The following DLG2 variants were observed in gnomAD, a reference collection of about 807,000 sequenced individuals.
DLG2 encodes the protein disks large homolog 2.
A neutral mutation model predicts 132.5 loss-of-function variants in DLG2; 45 were observed. The observed-to-expected ratio is 0.34, with a 90% CI of 0.27 to 0.44. The LOEUF (loss-of-function observed/expected upper bound fraction) is 0.44, where lower values mean the gene tolerates loss of function less well. Among genes scored for constraint, DLG2 ranks in the 20% least tolerant of loss-of-function variants. The pLI is 1.00. For synonymous variants in DLG2, 424 were observed against 419.6 expected (o/e 1.01, Z -0.13); for missense variants, 1,045 against 1,196.9 (o/e 0.87, Z 1.87).
chr11:84,446,210 A>T (rs505025), intron 7 of DLG2, among the ~76,000 whole-genome samples: 55,562 of 151,774 alleles, frequency 0.37, 15,922 homozygotes, highest in African/African-American at 0.8. Flanking sequence ...TGTTTATACC[A>T]TTTTTATTTT....
At chr11:84,636,269 C>T (rs2099640305) in intron 6 of DLG2, among the ~76,000 whole-genome samples, 1 of 152,116 alleles carries the variant, frequency 6.6e-6, no homozygotes, top group Non-Finnish European at 1.5e-5. Context: ...CGAGAAATAG[C>T]CACAGTCCTC....
intron 3 of DLG2, among the ~76,000 whole-genome samples, chr11:85,538,389 G>C (rs186945120): frequency 6.6e-6 from 1 of 152,032 alleles, no homozygotes; most frequent in Non-Finnish European, 1.5e-5. Flanking sequence ...TACACTGTTG[G>C]TGGGAATGTA....
At chr11:84,969,264 A>T (rs2053740584) in intron 6 of DLG2, among the ~76,000 whole-genome samples, 1 of 152,150 alleles carries the variant, frequency 6.6e-6, no homozygotes, top group Non-Finnish European at 1.5e-5. Context: ...TGCAGTATCT[A>T]AAGTGACCAT....
chr11:85,147,145 T>C (rs1050701381), intron 5 of DLG2, among the ~76,000 whole-genome samples: 42 of 152,226 alleles, frequency 2.8e-4, no homozygotes, highest in African/African-American at 9.4e-4. Context: ...TTAGTGTCTC[T>C]TTCCTTGATA....
intron 6 of DLG2, chr11:84,640,189 T>G (rs576925798): frequency 1.5e-5 from 4 of 268,018 alleles, no homozygotes; most frequent in African/African-American, 9.3e-5. Flanking sequence ...AAGACCTGGC[T>G]ACTGTCTGTA....
At chr11:84,130,554 T>A in intron 9 of DLG2, among the ~76,000 whole-genome samples, 1 of 139,266 alleles carries the variant, frequency 7.2e-6, no homozygotes, top group African/African-American at 2.8e-5. Context: ...ATATATAAAG[T>A]ATATATAAGT....
At chr11:83,634,335 G>A (rs1162868772) in intron 18 of DLG2, among the ~76,000 whole-genome samples, 1 of 152,042 alleles carries the variant, frequency 6.6e-6, no homozygotes, top group African/African-American at 2.4e-5. Flanking sequence ...TCGGTTCTAA[G>A]GTACTTATTA....
At chr11:85,151,114 G>A (rs2077220977) in intron 5 of DLG2, among the ~76,000 whole-genome samples, 1 of 152,148 alleles carries the variant, frequency 6.6e-6, no homozygotes, top group Admixed American at 6.5e-5. Flanking sequence ...TTTCCCTCAT[G>A]ATTAGTGGGT....
chr11:83,671,055 A>G (rs1311101668), intron 18 of DLG2, among the ~76,000 whole-genome samples: 1 of 152,168 alleles, frequency 6.6e-6, no homozygotes, highest in Admixed American at 6.5e-5. Context: ...AATAACCCTA[A>G]TTTAATTTTT....
chr11:84,988,779 C>T (rs889351930), intron 6 of DLG2, among the ~76,000 whole-genome samples: 2 of 152,118 alleles, frequency 1.3e-5, no homozygotes, highest in Non-Finnish European at 2.9e-5. Context: ...ATATATACTT[C>T]TCAGGTGATG....
intron 4 of DLG2, among the ~76,000 whole-genome samples, chr11:85,186,318 A>C (rs1314862547): frequency 6.6e-6 from 1 of 152,092 alleles, no homozygotes; most frequent in African/African-American, 2.4e-5. Context: ...TATAATTATT[A>C]ATGAAGTATT....
chr11:83,831,942 G>A (rs750528532), intron 17 of DLG2, among the ~76,000 whole-genome samples: 5 of 152,098 alleles, frequency 3.3e-5, no homozygotes, highest in Non-Finnish European at 7.4e-5. Flanking sequence ...TTAGAAGGAA[G>A]GGGGAAAGTG....
chr11:84,585,162 A>G (rs1328976640), intron 6 of DLG2, among the ~76,000 whole-genome samples: 1 of 152,078 alleles, frequency 6.6e-6, no homozygotes, highest in Non-Finnish European at 1.5e-5. Context: ...ATTTTTATGT[A>G]TGTGAGATAG....
intron 18 of DLG2, chr11:83,651,587 G>A (rs1229061276): frequency 8.9e-6 from 2 of 225,380 alleles, no homozygotes; most frequent in Non-Finnish European, 1.9e-5. Flanking sequence ...CAGATTTGCT[G>A]TATTATCAGT....
chr11:83,677,105 A>G (rs899683396), intron 18 of DLG2, among the ~76,000 whole-genome samples: 3 of 152,056 alleles, frequency 2.0e-5, no homozygotes, highest in African/African-American at 7.2e-5. Context: ...TTTCTCCCCT[A>G]ATTTCCTAAA....
intron 6 of DLG2, among the ~76,000 whole-genome samples, chr11:84,982,117 C>A (rs552696452): frequency 2.0e-5 from 3 of 152,040 alleles, no homozygotes; most frequent in Non-Finnish European, 4.4e-5. Context: ...TAGGCTCTTC[C>A]GCCTGTAGCC....
chr11:85,338,436 G>A (rs559833218), intron 3 of DLG2, among the ~76,000 whole-genome samples: 109 of 152,050 alleles, frequency 7.2e-4, no homozygotes, highest in Non-Finnish European at 1.0e-3. Flanking sequence ...CCCATCCACT[G>A]CAGTGTGGTT....
intron 6 of DLG2, among the ~76,000 whole-genome samples, chr11:84,843,655 A>G (rs185964630): frequency 3.8e-3 from 571 of 151,998 alleles, no homozygotes; most frequent in Non-Finnish European, 6.1e-3. Flanking sequence ...CCTCTCATAT[A>G]CTTTAAATCA....
At chr11:85,507,938 C>G (rs1038433511) in intron 3 of DLG2, among the ~76,000 whole-genome samples, 1 of 151,786 alleles carries the variant, frequency 6.6e-6, no homozygotes, top group Non-Finnish European at 1.5e-5. Context: ...CTTCTCTTCT[C>G]ACTTCATTTG....
Sources: allele counts gnomAD v4.1 joint callset (sites outside exome capture counted in the v4.1 genomes callset), GRCh38; gene constraint gnomAD v4.1.1; transcripts MANE v1.5; gene names NCBI Gene and HGNC (gene_info 2026-07-23, HGNC 2026-07-21).